The following LRRC59 variants were observed in gnomAD, a reference collection of about 807,000 sequenced individuals.
The protein encoded by LRRC59 is leucine rich repeat containing 59.
In LRRC59, 18 loss-of-function variants were observed where a neutral mutation model predicts 33.5. That is an observed-to-expected ratio of 0.54 (90% CI 0.37 to 0.80). The LOEUF (loss-of-function observed/expected upper bound fraction) is 0.80. LRRC59 is among the 30% of genes least tolerant of loss of function. The probability of loss-of-function intolerance (pLI) is 0.00; values close to 1 mark genes in which losing one functional copy is unlikely to be tolerated. For missense variants in LRRC59, 330 were observed against 391.9 expected (o/e 0.84, Z 1.33); for synonymous variants, 138 against 160.0 (o/e 0.86, Z 1.04).
intron 6 of LRRC59, 34 bp downstream of exon 6, chr17:50,385,084 C>G (rs765008278): frequency 3.7e-6 from 6 of 1,606,004 alleles, no homozygotes; most frequent in East Asian, 2.2e-5. Context: ...CCACTGTACC[C>G]CTGCTGGAAT....
intron 1 of LRRC59, among the ~76,000 whole-genome samples, chr17:50,395,294 C>T (rs896942261): frequency 1.3e-5 from 2 of 150,008 alleles, no homozygotes. Context: ...ACAGGAGGAT[C>T]GCTTGAGCCC....
At chr17:50,392,534 A>T in intron 3 of LRRC59, 32 bp from the exon 4 acceptor site, 4 of 1,569,510 alleles carry the variant, frequency 2.5e-6, no homozygotes, top group Non-Finnish European at 2.6e-6. Flanking sequence ...AAAGAGGCTC[A>T]TTAAGCCCGA....
Position 50,395,901 on chromosome 17 carries a change from CA to C in LRRC59, c.106-914del, listed in dbSNP as rs372143721. On this transcript the variant is annotated intron_variant, in intron 1 of 6. Transcript: ENST00000225972. ...GCAACAACAGCAAAACTCCATCATC[CA>C]AAAAAAAAAAAGGCCCTCACAGCCC... 1,330 of 139,346 alleles carry C rather than the reference CA, an allele frequency of 9.5e-3. 15 individuals are homozygous for C. The highest frequency in any genetic ancestry group is 0.025 in the African/African-American group (966 of 38,106). 8.6% of individuals were successfully genotyped at this position (139,346 alleles called of 1,614,324 possible). A position where few individuals can be genotyped will look rare whatever the true frequency, so the allele number is the denominator to read the frequency against.
intron 2 of LRRC59, among the ~76,000 whole-genome samples, chr17:50,393,786 T>C (rs1013264849): frequency 1.8e-4 from 27 of 152,186 alleles, no homozygotes; most frequent in African/African-American, 6.0e-4. Context: ...GATCGAAAAG[T>C]GCACTTGGCT....
At chr17:50,393,336 C>T (rs1914195170) in intron 2 of LRRC59, among the ~76,000 whole-genome samples, 1 of 152,228 alleles carries the variant, frequency 6.6e-6, no homozygotes, top group South Asian at 2.1e-4. Flanking sequence ...CTTGCTCCAG[C>T]CTACCCTCCA....
Position 50,392,607 on chromosome 17 carries a change from C to T in LRRC59, c.325-105G>A, listed in dbSNP as rs372302148. 3.2e-5 allele frequency: 46 copies of T among 1,447,148 alleles called. 2 individuals are homozygous for T. The African/African-American group carries it at 3.2e-4, about 10-fold the overall frequency. 89.6% of individuals were successfully genotyped at this position (1,447,148 alleles called of 1,614,324 possible). On this transcript the variant is annotated intron_variant, in intron 3 of 6. Coordinates refer to ENST00000225972, the MANE Select transcript of LRRC59 (RefSeq NM_018509.4). ...GCAGGAAGAATGCCCCTCTGTGTTCCACATATAGGGAGCGCCATCTGAGGC... is the reference window on the plus strand; with the variant it reads ...GCAGGAAGAATGCCCCTCTGTGTTCTACATATAGGGAGCGCCATCTGAGGC...
Position 50,382,012 on chromosome 17 carries a change from TAC to T in LRRC59, c.*974_*975del, listed in dbSNP as rs1460952525. 1.3e-5 allele frequency: 2 copies of T among 152,634 alleles called. No individual in the cohort carries two copies. Among genetic ancestry groups the T allele is most frequent in the Admixed American group, 1.3e-4 (2 of 15,284 alleles). The allele number at this position is 152,634 out of a possible 1,614,324, so 9.5% of individuals were successfully genotyped here. A position where few individuals can be genotyped will look rare whatever the true frequency, so the allele number is the denominator to read the frequency against. On this transcript the variant is annotated 3_prime_UTR_variant, in exon 7 of 7. Transcript: ENST00000225972. ...CTTTGAGGTATTTAGTCACACCAAG[TAC>T]AACTAGAGCTGTCATAGACAGTGTA...
At position 50,397,204 on chromosome 17, in the gene LRRC59, G is replaced by T. The variant is rs1281363553; in HGVS notation, c.105+9C>A. 3.8e-6 allele frequency: 6 copies of T among 1,562,544 alleles called. No individual in the cohort carries two copies. Among genetic ancestry groups the T allele is most frequent in the Non-Finnish European group, 5.2e-6 (6 of 1,154,128 alleles). ...GGTGGGCGCCTGGGCCTCGCGGGAC[G>T]ATACTGACCAGCTCCTTCACCGGGA... On this transcript the variant is annotated intron_variant, in intron 1 of 6. Coordinates refer to ENST00000225972, the MANE Select transcript of LRRC59 (RefSeq NM_018509.4).
At chr17:50,391,973 C>G (rs1477417670) in intron 4 of LRRC59, among the ~76,000 whole-genome samples, 2 of 152,134 alleles carry the variant, frequency 1.3e-5, no homozygotes, top group African/African-American at 4.8e-5. Flanking sequence ...CCAAGGTGGG[C>G]GAATCATTTG....
At chr17:50,394,890 A>G (rs1370724914) in intron 2 of LRRC59, 39 bp downstream of exon 2, 1 of 1,418,984 alleles carries the variant, frequency 7.0e-7, no homozygotes, top group Non-Finnish European at 9.8e-7. Flanking sequence ...AGATGCATCC[A>G]AGGCACCAGA....
In LRRC59 at chr17:50,381,846, A is replaced by C. The variant is rs1251769099; in HGVS notation, c.*1142T>G. 1 of 152,684 alleles carries C rather than the reference A, an allele frequency of 6.5e-6. No individual in the cohort carries two copies. Among genetic ancestry groups the C allele is most frequent in the Non-Finnish European group, 1.5e-5 (1 of 68,050 alleles). The allele number at this position is 152,684 out of a possible 1,614,324, so 9.5% of individuals were successfully genotyped here. On this transcript the variant is annotated 3_prime_UTR_variant, in exon 7 of 7. Coordinates refer to ENST00000225972, the MANE Select transcript of LRRC59 (RefSeq NM_018509.4). ...TGTGCTAGCCATTGGGTGATGCACC[A>C]CTTTTCAGCTCCATGATGCTACTTG... is the stretch of plus-strand genomic sequence containing the variant.
In LRRC59 at chr17:50,392,514, G is replaced by A. The variant is rs770359365; in HGVS notation, c.325-12C>T. ...AACCACTTCAGGTTCTAAAGAGATG[G>A]GCGATGGGCAAAGAGGCTCATTAAG... On this transcript the variant is annotated splice_polypyrimidine_tract_variant and intron_variant, in intron 3 of 6. Transcript: ENST00000225972. The A allele has an allele frequency of 2.1e-5, 34 of 1,603,654 alleles. No homozygotes were observed. The highest frequency in any genetic ancestry group is 2.7e-5 in the Non-Finnish European group (32 of 1,170,758).
chr17:50,395,552 C>T (rs1914252509), intron 1 of LRRC59, among the ~76,000 whole-genome samples: 1 of 152,150 alleles, frequency 6.6e-6, no homozygotes, highest in Non-Finnish European at 1.5e-5. Context: ...AGAACAGGTA[C>T]TCAATATCCA....
Position 50,385,202 on chromosome 17 carries a change from G to A in LRRC59, c.592C>T (p.Arg198Cys), listed in dbSNP as rs1048363822. Residue 198 changes from arginine (R) to cysteine (C), a missense_variant, in exon 6 of 7, where the codon CGC becomes TGC. Transcript: ENST00000225972. Reference sequence around the variant, plus strand: ...AGGGCATCATACTCCTTTCTCCGGCGCTCCTTCTCTTCCGCCTTCTCCCGC... The same window carrying A: ...AGGGCATCATACTCCTTTCTCCGGCACTCCTTCTCTTCCGCCTTCTCCCGC... Reference protein sequence around the residue: ...RKREKAEEKERRRKEYDALKA... With the variant: ...RKREKAEEKECRRKEYDALKA... 8.7e-6 allele frequency: 14 copies of A among 1,614,000 alleles called. No individual in the cohort carries two copies. Among genetic ancestry groups the A allele is most frequent in the African/African-American group, 1.3e-5 (1 of 74,892 alleles).
At chr17:50,397,066 G>A in intron 1 of LRRC59, 147 bp downstream of exon 1, 3 of 517,284 alleles carry the variant, frequency 5.8e-6, no homozygotes, top group Non-Finnish European at 9.9e-6. Context: ...GGCTGGACGC[G>A]GCCTCCTAGG....
At chr17:50,384,976 C>T in intron 6 of LRRC59, 142 bp downstream of exon 6, 1 of 1,008,214 alleles carries the variant, frequency 9.9e-7, no homozygotes, top group Non-Finnish European at 1.5e-6. Flanking sequence ...TCCCCGTAAC[C>T]AAACCTTCTC....
chr17:50,391,951 C>T (rs1289647004), intron 4 of LRRC59, among the ~76,000 whole-genome samples: 1 of 152,244 alleles, frequency 6.6e-6, no homozygotes, highest in East Asian at 1.9e-4. Context: ...ATAATCCCAG[C>T]ACTTTGGAAG....
At chr17:50,383,688 T>C (rs1043421162) in intron 6 of LRRC59, among the ~76,000 whole-genome samples, 1 of 152,076 alleles carries the variant, frequency 6.6e-6, no homozygotes, top group Non-Finnish European at 1.5e-5. Context: ...GCAGTGATGA[T>C]TGCTAGGAAT....
At position 50,385,102 on chromosome 17, in the gene LRRC59, C is replaced by A; in HGVS notation, c.676+16G>T. On this transcript the variant is annotated intron_variant, in intron 6 of 6. Coordinates refer to ENST00000225972, the MANE Select transcript of LRRC59 (RefSeq NM_018509.4). ...CTGTACCCCTGCTGGAATCTTACAA[C>A]AGGCAGAAAACTTACTCGGGGCCTG... The A allele has an allele frequency of 6.2e-7, 1 of 1,610,994 alleles. No homozygotes were observed. The highest frequency in any genetic ancestry group is 8.5e-7 in the Non-Finnish European group (1 of 1,178,532).
Sources: gnomAD v4.1 joint callset for allele counts (sites outside exome capture counted in the v4.1 genomes callset) on GRCh38, gnomAD v4.1.1 for gene constraint, MANE v1.5 for transcripts, NCBI Gene and HGNC (gene_info 2026-07-23, HGNC 2026-07-21) for gene names.